Variants in SUPT3H observed in about 807,000 individuals in gnomAD.
The protein encoded by SUPT3H is transcription initiation protein SPT3 homolog.
SUPT3H carries 44 observed loss-of-function variants against 44.3 expected under a neutral mutation model. The ratio of observed to expected loss-of-function variants is 0.99; its 90% CI spans 0.78 to 1.28. The LOEUF (loss-of-function observed/expected upper bound fraction) is 1.28. SUPT3H is among the 50% of genes most tolerant of loss of function. The probability of loss-of-function intolerance (pLI) is 0.00; values close to 1 mark genes in which losing one functional copy is unlikely to be tolerated. For missense variants in SUPT3H, 380 were observed against 387.1 expected, an observed-to-expected ratio of 0.98 and a Z score of 0.15; for synonymous variants, 124 against 125.6, an observed-to-expected ratio of 0.99 and a Z score of 0.09.
chr6:44,931,076 A>G (rs1770515815), intron 10 of SUPT3H, among the ~76,000 whole-genome samples: 1 of 152,324 alleles, frequency 6.6e-6, no homozygotes, highest in Admixed American at 6.5e-5. Flanking sequence ...TAAAAACAAA[A>G]ACTTTGAAGA....
chr6:45,092,120 C>T (rs189434174), intron 3 of SUPT3H, among the ~76,000 whole-genome samples: 34 of 151,820 alleles, frequency 2.2e-4, no homozygotes, highest in Admixed American at 1.7e-3. Context: ...GGCTCTACAC[C>T]GTCACAACTT....
At chr6:45,032,054 C>T (rs1787022687) in intron 3 of SUPT3H, among the ~76,000 whole-genome samples, 1 of 152,124 alleles carries the variant, frequency 6.6e-6, no homozygotes, top group Non-Finnish European at 1.5e-5. Context: ...ATGTAAAAGA[C>T]ATTGGTCTCT....
intron 2 of SUPT3H, among the ~76,000 whole-genome samples, chr6:45,115,311 A>G (rs1800684563): frequency 6.6e-6 from 1 of 152,196 alleles, no homozygotes; most frequent in African/African-American, 2.4e-5. Flanking sequence ...GATCTTTAGA[A>G]AATTATCAAT....
chr6:45,341,406 A>G (rs1375746790), intron 2 of SUPT3H, among the ~76,000 whole-genome samples: 1 of 152,210 alleles, frequency 6.6e-6, no homozygotes, highest in African/African-American at 2.4e-5. Flanking sequence ...TTCTGCACCT[A>G]TATTTAACTT....
At chr6:45,003,463 C>T (rs1354321644) in intron 6 of SUPT3H, among the ~76,000 whole-genome samples, 190 bp downstream of exon 6, 1 of 152,104 alleles carries the variant, frequency 6.6e-6, no homozygotes, top group Non-Finnish European at 1.5e-5. Flanking sequence ...AGTTGTTTCC[C>T]AAAGTTGATG....
chr6:45,099,167 C>A, intron 3 of SUPT3H: 1 of 285,800 alleles, frequency 3.5e-6, no homozygotes, highest in South Asian at 3.4e-5. Flanking sequence ...CTCAATGGGA[C>A]CACCCTTTCC....
At chr6:44,980,239 T>C (rs1055658174) in intron 6 of SUPT3H, among the ~76,000 whole-genome samples, 2 of 150,966 alleles carry the variant, frequency 1.3e-5, no homozygotes, top group African/African-American at 2.4e-5. Flanking sequence ...GAGTGTACCC[T>C]TTCTCTAAAA....
intron 6 of SUPT3H, among the ~76,000 whole-genome samples, chr6:44,986,852 A>G (rs1461584065): frequency 1.3e-5 from 2 of 152,120 alleles, no homozygotes; most frequent in African/African-American, 4.8e-5. Context: ...AAAAAAAACA[A>G]CATATAAAAG....
intron 10 of SUPT3H, among the ~76,000 whole-genome samples, chr6:44,864,631 T>C (rs1295738166): frequency 1.3e-5 from 2 of 152,198 alleles, no homozygotes; most frequent in Non-Finnish European, 2.9e-5. Flanking sequence ...GCTTTCATCC[T>C]CTGAAGCCAT....
At chr6:44,918,894 T>A (rs1301154838) in intron 10 of SUPT3H, among the ~76,000 whole-genome samples, 1 of 152,168 alleles carries the variant, frequency 6.6e-6, no homozygotes, top group Non-Finnish European at 1.5e-5. Context: ...TTTTCTTTCA[T>A]AAATCTGAAG....
At chr6:45,221,698 T>C (rs192896470) in intron 2 of SUPT3H, among the ~76,000 whole-genome samples, 1 of 152,170 alleles carries the variant, frequency 6.6e-6, no homozygotes, top group Non-Finnish European at 1.5e-5. Context: ...TATAATCCCA[T>C]CAAGGTTTTT....
chr6:45,362,034 C>T (rs1314566390), intron 2 of SUPT3H, among the ~76,000 whole-genome samples: 1 of 152,136 alleles, frequency 6.6e-6, no homozygotes, highest in African/African-American at 2.4e-5. Context: ...GCCTGGGCAA[C>T]AAAGCTAGAT....
chr6:45,085,914 T>C (rs1179538223), intron 3 of SUPT3H, among the ~76,000 whole-genome samples: 1 of 152,064 alleles, frequency 6.6e-6, no homozygotes, highest in African/African-American at 2.4e-5. Flanking sequence ...CACAAGTATA[T>C]TAAAAACATC....
intron 2 of SUPT3H, among the ~76,000 whole-genome samples, chr6:45,176,864 T>C (rs1812026590): frequency 6.6e-6 from 1 of 152,050 alleles, no homozygotes; most frequent in African/African-American, 2.4e-5. Flanking sequence ...GCGTCCTGTC[T>C]GTTAGAAGGA....
intron 2 of SUPT3H, among the ~76,000 whole-genome samples, chr6:45,229,000 TAAG>T (rs1403358077): frequency 3.9e-5 from 6 of 152,188 alleles, no homozygotes; most frequent in African/African-American, 1.2e-4. Flanking sequence ...GCTATGATGA[TAAG>T]AAGATATAAT....
chr6:45,014,921 A>G, intron 4 of SUPT3H, 30 bp from the exon 5 acceptor site: 1 of 1,348,924 alleles, frequency 7.4e-7, no homozygotes, highest in Non-Finnish European at 1.0e-6. Context: ...AGTAAATAAG[A>G]AAACCTATAC....
intron 2 of SUPT3H, among the ~76,000 whole-genome samples, chr6:45,109,331 T>A (rs1314916895): frequency 6.6e-6 from 1 of 152,204 alleles, no homozygotes; most frequent in Non-Finnish European, 1.5e-5. Flanking sequence ...TATTCTAAGT[T>A]ACTTCGAATG....
chr6:44,945,975 T>A (rs1304844197), intron 9 of SUPT3H, among the ~76,000 whole-genome samples: 1 of 152,194 alleles, frequency 6.6e-6, no homozygotes, highest in African/African-American at 2.4e-5. Flanking sequence ...CAGGGGCTCA[T>A]GCAGCTGGTG....
Position 44,953,319 on chromosome 6 carries a change from G to C in SUPT3H, c.792C>G (p.Asn264Lys), listed in dbSNP as rs568503014. ...TTTTTTTTGTACTTACCTCAGCAGA[G>C]TTGTGATACTGAATGAAGGTTGCAG... ...AISATFIQYH[N>K]SAESTAACGV... Residue 264 changes from asparagine (N) to lysine (K), a missense_variant, in exon 9 of 11, where the codon AAC (asparagine) becomes AAG (lysine). Asn to Lys is a moderately conservative substitution (Grantham distance 94). Transcript: ENST00000371459. The C allele has an allele frequency of 1.9e-6, 3 of 1,613,800 alleles. No homozygotes were observed. Among genetic ancestry groups the C allele is most frequent in the East Asian group, 2.2e-5 (1 of 44,852 alleles).
Sources: gnomAD v4.1 joint callset for allele counts (sites outside exome capture counted in the v4.1 genomes callset) on GRCh38, gnomAD v4.1.1 for gene constraint, MANE v1.5 for transcripts, NCBI Gene and HGNC (gene_info 2026-07-23, HGNC 2026-07-21) for gene names.